PCDHA13: variants seen among roughly 807,000 people sequenced by gnomAD.
PCDHA13 encodes protocadherin alpha 13, also known as protocadherin alpha-13.
A neutral mutation model predicts 64.8 loss-of-function variants in PCDHA13; 54 were observed. The ratio of observed to expected loss-of-function variants is 0.83; its 90% CI spans 0.67 to 1.04. The LOEUF (loss-of-function observed/expected upper bound fraction) is 1.04, where lower values mean the gene tolerates loss of function less well. Ranked by LOEUF, PCDHA13 falls within the 50% of genes least tolerant of loss-of-function variation. The pLI, the probability that PCDHA13 is intolerant of heterozygous loss-of-function variation, is 0.00. For missense variants in PCDHA13, 1,248 were observed against 1,254.3 expected (o/e 0.99, Z 0.08); for synonymous variants, 587 against 564.4 (o/e 1.04, Z -0.57).
chr5:140,949,050 T>C lies in PCDHA13; in HGVS notation c.2395-29899T>C, dbSNP rs561017467. 5.3e-5 allele frequency among the ~76,000 whole-genome samples: 8 copies of C among 151,896 alleles called. No homozygotes were observed. The East Asian group carries it at 1.5e-3, about 29-fold the overall frequency. On this transcript the variant is annotated intron_variant, in intron 1 of 3. Coordinates refer to ENST00000289272, the MANE Select transcript of PCDHA13 (RefSeq NM_018904.3). ...TATTCATTTAAAAGTATGTTCTAAT[T>C]TCCATTATGATTTAACTCTTTCACC...
intron 1 of PCDHA13, among the ~76,000 whole-genome samples, chr5:140,925,505 C>A (rs528944783): frequency 6.6e-5 from 10 of 152,052 alleles, no homozygotes; most frequent in African/African-American, 2.2e-4. Flanking sequence ...CCAATATCCA[C>A]GCAAAAGACC....
intron 3 of PCDHA13, among the ~76,000 whole-genome samples, chr5:141,001,514 C>A (rs2098022369): frequency 6.6e-6 from 1 of 152,210 alleles, no homozygotes; most frequent in Admixed American, 6.5e-5. Flanking sequence ...GCTTAGCTTT[C>A]TCCCTCTCTC....
intron 3 of PCDHA13, among the ~76,000 whole-genome samples, chr5:140,994,339 A>T (rs1279466681): frequency 6.6e-6 from 1 of 152,146 alleles, no homozygotes; most frequent in Non-Finnish European, 1.5e-5. Context: ...TGAACAGTGG[A>T]TGTTGTGGGA....
intron 1 of PCDHA13, among the ~76,000 whole-genome samples, chr5:140,977,512 G>GAAACTTGA: frequency 3.9e-5 from 6 of 152,278 alleles, no homozygotes; most frequent in Admixed American, 3.9e-4. Context: ...AGCATTTTGT[G>GAAACTTGA]AACTTGAAAA....
intron 1 of PCDHA13, chr5:140,928,551 G>A (rs782615304): frequency 2.5e-6 from 4 of 1,614,044 alleles, no homozygotes; most frequent in Non-Finnish European, 2.5e-6. Context: ...ACAATTATCC[G>A]GTTATCTTGT....
rs148906083 is a variant in PCDHA13, at chr5:140,906,715, A to C, written c.2394+22053A>C. ...CTGGGCCATTTGTAGTCCTGCCTGG[A>C]TTGTGCTGTTGTAGTTTCCCATTGA... On this transcript the variant is annotated intron_variant, in intron 1 of 3. Transcript: ENST00000289272. Among the ~76,000 whole-genome samples, 692 of 152,238 alleles carry C rather than the reference A, an allele frequency of 4.5e-3. 12 individuals carry two copies. The highest frequency in any genetic ancestry group is 0.027 in the Middle Eastern group (8 of 294).
intron 1 of PCDHA13, among the ~76,000 whole-genome samples, chr5:140,972,762 A>G (rs1048509158): frequency 4.7e-5 from 7 of 150,026 alleles, no homozygotes; most frequent in African/African-American, 1.7e-4. Context: ...CTCCCAAGTT[A>G]AAGTGATTCT....
chr5:140,993,462 TCACACACACACACACA>T (rs3836747), intron 3 of PCDHA13, among the ~76,000 whole-genome samples: 191 of 141,044 alleles, frequency 1.4e-3, no homozygotes, highest in African/African-American at 3.8e-3. Context: ...TCTTTCTTTC[TCACACACACACACACA>T]CACACACACA....
intron 3 of PCDHA13, among the ~76,000 whole-genome samples, chr5:140,992,987 C>G (rs1259400627): frequency 6.6e-6 from 1 of 152,158 alleles, no homozygotes; most frequent in East Asian, 1.9e-4. Context: ...GGCCATGGGA[C>G]CCATGAAAGA....
intron 1 of PCDHA13, among the ~76,000 whole-genome samples, chr5:140,916,143 T>A (rs1237563249): frequency 4.6e-5 from 7 of 152,012 alleles, no homozygotes; most frequent in Non-Finnish European, 8.8e-5. Context: ...GCTGTTCAGT[T>A]GTGTTGTGGT....
At chr5:140,971,752 A>C (rs1367685618) in intron 1 of PCDHA13, among the ~76,000 whole-genome samples, 2 of 138,248 alleles carry the variant, frequency 1.4e-5, no homozygotes, top group Non-Finnish European at 3.3e-5. Context: ...TATATCTCAT[A>C]TTACTGAATC....
chr5:140,944,470 A>G (rs1245262998), intron 1 of PCDHA13, among the ~76,000 whole-genome samples: 1 of 152,166 alleles, frequency 6.6e-6, no homozygotes, highest in East Asian at 1.9e-4. Flanking sequence ...TACAGGTATG[A>G]GGCACTGGAC....
intron 1 of PCDHA13, among the ~76,000 whole-genome samples, chr5:140,977,356 T>C (rs1563455891): frequency 6.6e-6 from 1 of 152,250 alleles, no homozygotes; most frequent in African/African-American, 2.4e-5. Flanking sequence ...GACTGATTGA[T>C]AAAAAGTATT....
chr5:140,967,691 A>G (rs1586235214), intron 1 of PCDHA13: 1 of 1,614,162 alleles, frequency 6.2e-7, no homozygotes, highest in East Asian at 2.2e-5. Flanking sequence ...GCAGCTCTTC[A>G]GCATAGATGC....
At chr5:140,989,555 T>G (rs923190578) in intron 3 of PCDHA13, among the ~76,000 whole-genome samples, 1 of 152,204 alleles carries the variant, frequency 6.6e-6, no homozygotes, top group African/African-American at 2.4e-5. Flanking sequence ...CCTTTACGTT[T>G]TGTGGCTCCG....
intron 1 of PCDHA13, among the ~76,000 whole-genome samples, chr5:140,923,613 G>GT (rs2081443569): frequency 6.6e-6 from 1 of 152,146 alleles, no homozygotes; most frequent in South Asian, 2.1e-4. Context: ...TGTTTATCTG[G>GT]TCATCTTATC....
chr5:140,969,095 C>T, intron 1 of PCDHA13: 1 of 1,614,168 alleles, frequency 6.2e-7, no homozygotes, highest in East Asian at 2.2e-5. Flanking sequence ...AGTGCAGCCT[C>T]ACTTCATTGA....
chr5:140,954,225 A>C (rs1554221300), intron 1 of PCDHA13, among the ~76,000 whole-genome samples: 2 of 152,242 alleles, frequency 1.3e-5, no homozygotes, highest in African/African-American at 4.8e-5. Context: ...TGCTATTGTG[A>C]ATAGTGCTGC....
intron 1 of PCDHA13, among the ~76,000 whole-genome samples, chr5:140,890,662 C>T (rs75284753): frequency 0.011 from 1,622 of 152,252 alleles, 17 homozygotes; most frequent in African/African-American, 0.028. Flanking sequence ...CAAAAGTTAA[C>T]TGAAACCCTT....
Sources: allele counts gnomAD v4.1 joint callset (sites outside exome capture counted in the v4.1 genomes callset), GRCh38; gene constraint gnomAD v4.1.1; transcripts MANE v1.5; gene names NCBI Gene and HGNC (gene_info 2026-07-23, HGNC 2026-07-21).